HNF4G: variants seen among roughly 807,000 people sequenced by gnomAD.
HNF4G encodes the protein hepatocyte nuclear factor 4 gamma.
Under a neutral mutation model 50.9 loss-of-function variants are expected in HNF4G, and 21 were observed. The ratio of observed to expected loss-of-function variants is 0.41; its 90% CI spans 0.29 to 0.59. HNF4G has a LOEUF of 0.59. HNF4G is among the 20% of genes least tolerant of loss of function. The pLI, the probability that HNF4G is intolerant of heterozygous loss-of-function variation, is 0.26. For synonymous variants in HNF4G, 198 were observed against 185.6 expected, an observed-to-expected ratio of 1.07 and a Z score of -0.54; for missense variants, 527 against 559.4, an observed-to-expected ratio of 0.94 and a Z score of 0.58.
intron 1 of HNF4G, among the ~76,000 whole-genome samples, chr8:75,412,975 A>G (rs781144496): frequency 6.6e-5 from 10 of 152,120 alleles, no homozygotes; most frequent in Non-Finnish European, 1.2e-4. Context: ...ATTTAGCTTG[A>G]GTAGCCTGGA....
intron 1 of HNF4G, among the ~76,000 whole-genome samples, chr8:75,418,938 A>G (rs1256688094): frequency 6.6e-6 from 1 of 151,652 alleles, no homozygotes. Flanking sequence ...TGTTGGCCAC[A>G]CCGACCTCGA....
chr8:75,485,613 A>T (rs1279666278), intron 1 of HNF4G, among the ~76,000 whole-genome samples: 1 of 152,214 alleles, frequency 6.6e-6, no homozygotes, highest in Admixed American at 6.5e-5. Context: ...AATCAAATGT[A>T]TACCATCCAG....
intron 2 of HNF4G, among the ~76,000 whole-genome samples, chr8:75,517,000 C>T (rs1008133984): frequency 1.3e-5 from 2 of 152,016 alleles, no homozygotes; most frequent in African/African-American, 4.8e-5. Flanking sequence ...GCCAGGGAGA[C>T]CTCACAATCA....
rs187103748 is a variant in HNF4G, at chr8:75,468,690, T to C, written c.-143-21399T>C. On this transcript the variant is annotated intron_variant, in intron 1 of 10. Coordinates refer to the HNF4G transcript ENST00000354370. The stretch of plus-strand genomic sequence containing the variant: ...GCCTGGGTGACAGAGCGAGACTCCA[T>C]CTCAAAAAAAAAAAATTATATGTAG... Among the ~76,000 whole-genome samples, 37 of 149,786 alleles carry C rather than the reference T, an allele frequency of 2.5e-4. No individual in the cohort carries two copies. The East Asian group carries it at 6.4e-3, about 26-fold the overall frequency.
In HNF4G at chr8:75,500,429, A is replaced by G. The variant is rs1216089616; in HGVS notation, c.-24+10221A>G. On this transcript the variant is annotated intron_variant, in intron 2 of 10. Transcript: ENST00000354370. ...CATGTATTACTGGTTGGAATGTAAA[A>G]TGGCCAACTGCTCTGGGAAAATGTT... Among the ~76,000 whole-genome samples the G allele has an allele frequency of 3.9e-5, 6 of 152,188 alleles. No individual in the cohort carries two copies. The East Asian group carries it at 1.2e-3, about 29-fold the overall frequency.
At chr8:75,475,341 G>A (rs1027627770) in intron 1 of HNF4G, among the ~76,000 whole-genome samples, 29 of 152,174 alleles carry the variant, frequency 1.9e-4, no homozygotes, top group Admixed American at 6.5e-5. Context: ...CATGGCTTAA[G>A]TTATTTATTT....
chr8:75,472,936 AAGTT>A (rs374938223), intron 1 of HNF4G, among the ~76,000 whole-genome samples: 7 of 152,202 alleles, frequency 4.6e-5, no homozygotes, highest in African/African-American at 1.7e-4. Context: ...GGGTTTAGAA[AAGTT>A]AGATCAGAGT....
At chr8:75,472,312 A>AGAT (rs768551122) in intron 1 of HNF4G, among the ~76,000 whole-genome samples, 3 of 152,162 alleles carry the variant, frequency 2.0e-5, no homozygotes, top group Non-Finnish European at 4.4e-5. Context: ...TTGAGGCAGG[A>AGAT]GATGGGGATT....
intron 1 of HNF4G, among the ~76,000 whole-genome samples, chr8:75,434,425 A>C (rs1395477224): frequency 6.6e-6 from 1 of 152,166 alleles, no homozygotes; most frequent in Non-Finnish European, 1.5e-5. Context: ...ACAAAAGGAG[A>C]AGTTAAGGCC....
intron 1 of HNF4G, among the ~76,000 whole-genome samples, chr8:75,436,110 G>GT (rs1278815823): frequency 1.3e-5 from 2 of 152,238 alleles, no homozygotes; most frequent in African/African-American, 2.4e-5. Context: ...AGAAACACAA[G>GT]TTTTTTACAA....
At position 75,458,632 on chromosome 8, in the gene HNF4G, C is replaced by T. The variant is rs78628632; in HGVS notation, c.-143-31457C>T. On this transcript the variant is annotated intron_variant, in intron 1 of 10. Transcript: ENST00000354370. ...GGCAGGAATTGTATCTCCTTAATGT[C>T]TTTGTTTCCTAAATGCCTGGTACAT... Among the ~76,000 whole-genome samples, 903 of 152,166 alleles carry T rather than the reference C, an allele frequency of 5.9e-3. 5 individuals are homozygous for T. Among genetic ancestry groups the T allele is most frequent in the African/African-American group, 0.021 (864 of 41,522 alleles).
intron 1 of HNF4G, among the ~76,000 whole-genome samples, chr8:75,488,420 T>G (rs1376988734): frequency 6.6e-6 from 1 of 151,906 alleles, no homozygotes; most frequent in Non-Finnish European, 1.5e-5. Flanking sequence ...ACTACAGGCG[T>G]GTGCCACCAT....
intron 1 of HNF4G, among the ~76,000 whole-genome samples, chr8:75,415,952 G>A (rs553868268): frequency 3.3e-5 from 5 of 152,202 alleles, no homozygotes; most frequent in South Asian, 2.1e-4. Context: ...TTGTATACCC[G>A]TACTTTAAAA....
intron 1 of HNF4G, among the ~76,000 whole-genome samples, chr8:75,542,965 C>T (rs185328641): frequency 6.7e-4 from 102 of 152,050 alleles, no homozygotes; most frequent in Admixed American, 1.2e-3. Flanking sequence ...GTGGGCAGAC[C>T]GCCTGCTGAG....
At chr8:75,498,037 A>G (rs1231222097) in intron 2 of HNF4G, among the ~76,000 whole-genome samples, 1 of 152,158 alleles carries the variant, frequency 6.6e-6, no homozygotes, top group Admixed American at 6.5e-5. Context: ...AAGTTCCACC[A>G]TAGAATCCCT....
intron 2 of HNF4G, among the ~76,000 whole-genome samples, chr8:75,519,259 C>T (rs529872230): frequency 6.6e-6 from 1 of 152,282 alleles, no homozygotes; most frequent in African/African-American, 2.4e-5. Flanking sequence ...TTGTCCATAT[C>T]GCTATTAGCA....
rs540370789 is a variant in HNF4G, at chr8:75,485,980, A to G, written c.-143-4109A>G. 1.3e-5 allele frequency among the ~76,000 whole-genome samples: 2 copies of G among 152,316 alleles called. 1 individual carries two copies. Among genetic ancestry groups the G allele is most frequent in the Non-Finnish European group, 2.9e-5 (2 of 68,024 alleles). On this transcript the variant is annotated intron_variant, in intron 1 of 10. Transcript: ENST00000354370. ...ACAGATTCTACTGGCTGTTGCAGAC[A>G]CTAGCTTCCCTACTAGGTCTGCTCT...
At chr8:75,529,779 C>A (rs922715042) in intron 2 of HNF4G, among the ~76,000 whole-genome samples, 1 of 152,162 alleles carries the variant, frequency 6.6e-6, no homozygotes, top group Middle Eastern at 3.2e-3. Context: ...ATACTCAGGA[C>A]TCCTGTTGTA....
chr8:75,519,349 A>G (rs1436279850), intron 2 of HNF4G, among the ~76,000 whole-genome samples: 2 of 152,114 alleles, frequency 1.3e-5, no homozygotes, highest in Non-Finnish European at 2.9e-5. Context: ...GAGCCCTCCA[A>G]ACTGTTCCAG....
Sources: allele counts gnomAD v4.1 joint callset (sites outside exome capture counted in the v4.1 genomes callset), GRCh38; gene constraint gnomAD v4.1.1; transcripts MANE v1.5; gene names NCBI Gene and HGNC (gene_info 2026-07-23, HGNC 2026-07-21).